HIPK1: variants seen among roughly 807,000 people sequenced by gnomAD.
HIPK1 encodes the protein homeodomain-interacting protein kinase 1.
In HIPK1, 28 loss-of-function variants were observed where a neutral mutation model predicts 117.1. The observed-to-expected ratio is 0.24, with a 90% CI of 0.18 to 0.33. The LOEUF (loss-of-function observed/expected upper bound fraction) is 0.33. Among genes scored for constraint, HIPK1 ranks in the 10% least tolerant of loss-of-function variants. The pLI, the probability that HIPK1 is intolerant of heterozygous loss-of-function variation, is 1.00. For missense variants in HIPK1, 1,122 were observed against 1,475.1 expected (o/e 0.76, Z 3.92); for synonymous variants, 605 against 562.5 (o/e 1.08, Z -1.07).
In HIPK1 at chr1:113,954,714, A is replaced by G; in HGVS notation, c.1264A>G (p.Thr422Ala). The G allele has an allele frequency of 6.2e-7, 1 of 1,614,100 alleles. No homozygotes were observed. The highest frequency in any genetic ancestry group is 8.5e-7 in the Non-Finnish European group (1 of 1,179,926). The stretch of plus-strand genomic sequence containing the variant: ...ATATCTTCTCAGTGCCGGAACAAAA[A>G]CAACCAGGTTTTTCAACAGAGATCC... ...AEYLLSAGTK[T>A]TRFFNRDPNL... Residue 422 changes from threonine to alanine, a missense_variant, in exon 4 of 16, where the codon ACA (threonine) becomes GCA (alanine). Thr to Ala is a moderately conservative substitution (Grantham distance 58). Transcript: ENST00000426820.
At chr1:113,930,959 A>G (rs1487897560) in intron 1 of HIPK1, 4 of 152,228 alleles carry the variant, frequency 2.6e-5, no homozygotes, top group Non-Finnish European at 5.9e-5. Flanking sequence ...CACTTTGGGA[A>G]TTCTCAGTAA....
At chr1:113,961,897 A>G (rs1672138634) in intron 8 of HIPK1, among the ~76,000 whole-genome samples, 1 of 144,430 alleles carries the variant, frequency 6.9e-6, no homozygotes, top group South Asian at 2.3e-4. Flanking sequence ...GAGCCCAGAT[A>G]GCATCACTGC....
chr1:113,960,579 A>G (rs950958700), intron 8 of HIPK1, among the ~76,000 whole-genome samples: 20 of 152,192 alleles, frequency 1.3e-4, no homozygotes, highest in Admixed American at 9.8e-4. Context: ...ACCAATTTGT[A>G]GGAGGCTATT....
intron 9 of HIPK1, among the ~76,000 whole-genome samples, chr1:113,963,049 G>C (rs995966107): frequency 5.9e-5 from 9 of 152,172 alleles, no homozygotes; most frequent in African/African-American, 2.2e-4. Flanking sequence ...ATAAATGTTT[G>C]TGGCCTATGA....
At chr1:113,940,184 C>A (rs1670555360) in intron 1 of HIPK1, among the ~76,000 whole-genome samples, 198 bp from the exon 2 acceptor site, 1 of 152,084 alleles carries the variant, frequency 6.6e-6, no homozygotes, top group Non-Finnish European at 1.5e-5. Context: ...AGTGGATAAT[C>A]TTCACTTTGT....
chr1:113,940,721 C>T lies in HIPK1; in HGVS notation c.338C>T (p.Ser113Phe). ...SQTLTHRSNVSLLEPYQKCGL... is the reference protein window; with the variant it reads ...SQTLTHRSNVFLLEPYQKCGL... ...ACCCTGACTCACAGAAGCAACGTTT[C>T]TTTGCTTGAGCCATATCAAAAATGT... Residue 113 changes from serine (S) to phenylalanine (F), a missense_variant, in exon 2 of 16, where the codon TCT becomes TTT. By Grantham distance (155) the Ser-to-Phe change is radical. Around this residue, in one of 6 missense-constraint regions of HIPK1, gnomAD observed 192 missense variants for 234.0 expected, o/e 0.82. Transcript: ENST00000426820. 6.2e-7 allele frequency: 1 copy of T among 1,614,156 alleles called. No homozygotes were observed. The highest frequency in any genetic ancestry group is 1.6e-4 in the Middle Eastern group (1 of 6,062).
chr1:113,963,695 G>C (rs1434922735), intron 10 of HIPK1, among the ~76,000 whole-genome samples, 174 bp downstream of exon 10: 1 of 152,122 alleles, frequency 6.6e-6, no homozygotes. Flanking sequence ...CTGTGTTCTT[G>C]CTACATCTTT....
chr1:113,944,539 A>G (rs1670865412), intron 2 of HIPK1, among the ~76,000 whole-genome samples: 2 of 147,004 alleles, frequency 1.4e-5, no homozygotes, highest in South Asian at 2.1e-4. Context: ...GCTGGAGTGC[A>G]GTGGCACAAT....
intron 8 of HIPK1, among the ~76,000 whole-genome samples, chr1:113,959,099 G>A (rs1671918362): frequency 6.6e-6 from 1 of 152,084 alleles, no homozygotes; most frequent in Admixed American, 6.5e-5. Context: ...AAAATCTAAT[G>A]ACACATTTGA....
At chr1:113,966,755 T>C (rs1672471936) in intron 11 of HIPK1, among the ~76,000 whole-genome samples, 1 of 152,134 alleles carries the variant, frequency 6.6e-6, no homozygotes, top group Non-Finnish European at 1.5e-5. Context: ...CCAATTACAC[T>C]CTTTAAGTCA....
rs1670591314 is a variant in HIPK1 at position 113,940,680 on chromosome 1, C to G, written c.297C>G (p.Thr99=). ...GCTCGGGCAGTGCTGCTACATCAAC[C>G]TTCCAAAGCAGCCAGACCCTGACTC... ...ADSSGSAATS[T]FQSSQTLTHR... is the part of the protein sequence containing the mutation. Residue 99 remains threonine, a synonymous_variant, in exon 2 of 16, where the codon ACC becomes ACG. Transcript: ENST00000426820. 1.2e-6 allele frequency: 2 copies of G among 1,614,098 alleles called. No homozygotes were observed. The highest frequency in any genetic ancestry group is 2.2e-5 in the East Asian group (1 of 44,904).
At chr1:113,960,331 G>A (rs530809326) in intron 8 of HIPK1, among the ~76,000 whole-genome samples, 1 of 152,228 alleles carries the variant, frequency 6.6e-6, no homozygotes, top group African/African-American at 2.4e-5. Context: ...GTTGCCTTTT[G>A]TTAATTCTTT....
intron 1 of HIPK1, among the ~76,000 whole-genome samples, chr1:113,938,929 T>TATACACACACACACACACAC (rs1301679078): frequency 3.5e-5 from 4 of 115,502 alleles, no homozygotes; most frequent in African/African-American, 1.0e-4. Flanking sequence ...AAAAAAAAAA[T>TATACACACACACACACACAC]ACACACACAC....
intron 8 of HIPK1, among the ~76,000 whole-genome samples, chr1:113,960,317 C>T (rs1323057876): frequency 1.3e-5 from 2 of 152,188 alleles, no homozygotes; most frequent in African/African-American, 2.4e-5. Context: ...AACCTTCCAA[C>T]AGTGTTGCCT....
At chr1:113,952,685 T>TA in intron 2 of HIPK1, 81 bp from the exon 3 acceptor site, 1 of 1,085,684 alleles carries the variant, frequency 9.2e-7, no homozygotes, top group Non-Finnish European at 1.2e-6. Flanking sequence ...TAGCTAATAC[T>TA]AAAACAGGAC....
intron 4 of HIPK1, among the ~76,000 whole-genome samples, chr1:113,955,068 A>AT (rs1478316872): frequency 6.6e-6 from 1 of 152,214 alleles, no homozygotes; most frequent in African/African-American, 2.4e-5. Context: ...GTAATGACTG[A>AT]TTTTTAGAGA....
chr1:113,948,555 ATT>A (rs57302174), intron 2 of HIPK1, among the ~76,000 whole-genome samples: 9 of 139,724 alleles, frequency 6.4e-5, no homozygotes, highest in African/African-American at 7.9e-5. Flanking sequence ...TTCTGGCCGT[ATT>A]TTTTTTTTTT....
chr1:113,937,230 G>C (rs1381489873), intron 1 of HIPK1, among the ~76,000 whole-genome samples: 2 of 152,160 alleles, frequency 1.3e-5, no homozygotes, highest in Non-Finnish European at 2.9e-5. Context: ...GAAATTGAAG[G>C]CAGAGGATTT....
rs1013987367 is a variant in HIPK1, at chr1:113,951,222, T to C, written c.1077-1544T>C. 13 of 984,014 alleles carry C rather than the reference T, an allele frequency of 1.3e-5. No homozygotes were observed. The East Asian group carries it at 3.3e-4, about 25-fold the overall frequency. The allele number at this position is 984,014 out of a possible 1,614,324, so 61.0% of individuals were successfully genotyped here. ...ATTATTTTCTTTTTGAACCCACTTATTGCCTAATTAGTCATAGTTTGACAA... is the reference window on the plus strand; with the variant it reads ...ATTATTTTCTTTTTGAACCCACTTACTGCCTAATTAGTCATAGTTTGACAA... On this transcript the variant is annotated intron_variant, in intron 2 of 15. Transcript: ENST00000426820.
Sources: gnomAD v4.1 joint callset for allele counts (sites outside exome capture counted in the v4.1 genomes callset) on GRCh38, gnomAD v4.1.1 for gene constraint, gnomAD v4.1.1 regional missense constraint, MANE v1.5 for transcripts, NCBI Gene and HGNC (gene_info 2026-07-23, HGNC 2026-07-21) for gene names.